TNC: variants seen among roughly 807,000 people sequenced by gnomAD.
The protein encoded by TNC is tenascin C.
TNC carries 109 observed loss-of-function variants against 202.4 expected under a neutral mutation model. That is an observed-to-expected ratio of 0.54 (90% CI 0.46 to 0.63). The LOEUF (loss-of-function observed/expected upper bound fraction) is 0.63. Among genes scored for constraint, TNC ranks in the 30% least tolerant of loss-of-function variants. The probability of loss-of-function intolerance (pLI) is 0.00; values close to 1 mark genes in which losing one functional copy is unlikely to be tolerated. For missense variants in TNC, 2,756 were observed against 2,833.3 expected (o/e 0.97, Z 0.62); for synonymous variants, 1,007 against 1,089.7 (o/e 0.92, Z 1.50).
intron 1 of TNC, among the ~76,000 whole-genome samples, chr9:115,105,336 G>T (rs962860912): frequency 1.3e-5 from 2 of 152,168 alleles, no homozygotes. Context: ...AACATTGATT[G>T]CATATGTCGT....
rs775403621 is a variant in TNC at position 115,035,348 on chromosome 9, G to T, written c.5657-14C>A. On this transcript the variant is annotated splice_polypyrimidine_tract_variant and intron_variant, in intron 21 of 27. Coordinates refer to ENST00000350763, the MANE Select transcript of TNC (RefSeq NM_002160.4). ...GAGAATCGAGGTCTGGAGAAGACAG[G>T]ATGATTAATATCGGATAAGATCAGC... 2 of 1,603,950 alleles carry T rather than the reference G, an allele frequency of 1.2e-6. No homozygotes were observed. Among genetic ancestry groups the T allele is most frequent in the Non-Finnish European group, 8.5e-7 (1 of 1,175,850 alleles).
chr9:115,059,148 A>G (rs916761867), intron 14 of TNC, among the ~76,000 whole-genome samples: 1 of 151,932 alleles, frequency 6.6e-6, no homozygotes, highest in Non-Finnish European at 1.5e-5. Flanking sequence ...TGGTCTAGCT[A>G]TTTGCTAATT....
intron 15 of TNC, among the ~76,000 whole-genome samples, chr9:115,053,335 G>A (rs1831853885): frequency 6.6e-6 from 1 of 152,224 alleles, no homozygotes; most frequent in African/African-American, 2.4e-5. Flanking sequence ...TTGGAGTAAC[G>A]TGAAGGGTAT....
intron 9 of TNC, 102 bp from the exon 10 acceptor site, chr9:115,073,968 A>G (rs1833656059): frequency 1.6e-6 from 2 of 1,257,300 alleles, no homozygotes; most frequent in Non-Finnish European, 2.2e-6. Context: ...TAGGTCTGCC[A>G]CAGAGGAGCT....
At chr9:115,049,645 CT>C (rs1057273839) in intron 15 of TNC, among the ~76,000 whole-genome samples, 44 of 141,826 alleles carry the variant, frequency 3.1e-4, no homozygotes, top group East Asian at 2.9e-3. Context: ...TTTCTTTTTT[CT>C]TTTTTTTTTT....
intron 21 of TNC, chr9:115,035,750 A>C: frequency 7.3e-6 from 2 of 275,500 alleles, no homozygotes; most frequent in South Asian, 2.0e-4. Context: ...ATCTAGGAAA[A>C]ATTGCCTAAA....
rs774414409 is a variant in TNC, at chr9:115,086,006, G to A, written c.1725C>T (p.Asp575=). Residue 575 remains aspartate, a synonymous_variant, in exon 3 of 28, where the codon GAC becomes GAT. Coordinates refer to ENST00000350763, the MANE Select transcript of TNC (RefSeq NM_002160.4). ...AGCCCTCGTGGCAGATGCACTGGCC[G>A]TCCACGCAGCGGCCCTGGCCATGAC... ...SDCHGQGRCV[D]GQCICHEGFT... is the part of the protein sequence containing the mutation. 1.4e-5 allele frequency: 22 copies of A among 1,613,870 alleles called. No homozygotes were observed. The highest frequency in any genetic ancestry group is 4.5e-5 in the East Asian group (2 of 44,880).
chr9:115,040,716 G>GTTA (rs1475369897), intron 19 of TNC, among the ~76,000 whole-genome samples: 2 of 152,092 alleles, frequency 1.3e-5, no homozygotes, highest in Non-Finnish European at 2.9e-5. Context: ...GCCCAACAAG[G>GTTA]TTAAGGTCAC....
intron 25 of TNC, among the ~76,000 whole-genome samples, 171 bp from the exon 26 acceptor site, chr9:115,026,866 T>C (rs1031433345): frequency 2.9e-4 from 2 of 6,814 alleles, no homozygotes; most frequent in Non-Finnish European, 6.1e-4. Flanking sequence ...TGGGAGGGGG[T>C]GGGGGTGGGG....
Position 115,040,974 on chromosome 9 carries a change from C to T in TNC, c.5359G>A (p.Glu1787Lys), listed in dbSNP as rs890570960. 6.2e-7 allele frequency: 1 copy of T among 1,613,974 alleles called. No individual in the cohort carries two copies. Among genetic ancestry groups the T allele is most frequent in the African/African-American group, 1.3e-5 (1 of 74,914 alleles). ...AATGACCCTGAGACAGGTTCACTTTCCTCAAAGCCCTTCATGGCGATGATG... is the reference window on the plus strand; with the variant it reads ...AATGACCCTGAGACAGGTTCACTTTTCTCAAAGCCCTTCATGGCGATGATG... ...VSIIAMKGFE[E>K]SEPVSGSFTT... is the part of the protein sequence containing the mutation. The change falls in exon 19 of 28, where the codon GAA becomes AAA. Residue 1787 changes from glutamate to lysine, a missense_variant. Physicochemically the swap from Glu to Lys is moderately conservative, Grantham distance 56 (BLOSUM62 1). This residue lies in a region of TNC where 2,559 missense variants were observed against 2,546.0 expected (regional missense o/e 1.01). Coordinates refer to ENST00000350763, the MANE Select transcript of TNC (RefSeq NM_002160.4).
rs1833641650 is a variant in TNC, at chr9:115,073,815, A to G, written c.3002T>C (p.Leu1001Pro). Residue 1001 changes from leucine to proline, a missense_variant, in exon 10 of 28, where the codon CTG becomes CCG. Leu to Pro is a moderately conservative substitution (Grantham distance 98). Around this residue, in one of 2 missense-constraint regions of TNC, gnomAD observed 2,559 missense variants for 2,546.0 expected, o/e 1.01. Coordinates refer to ENST00000350763, the MANE Select transcript of TNC (RefSeq NM_002160.4). ...LQVSETAETS[L>P]TLLWKTPLAK... ...CAACGGTGTCTTCCAGAGCAGGGTC[A>G]GGCTGGTCTCTGCAGTTTCAGAAAC... The G allele has an allele frequency of 4.3e-6, 7 of 1,613,832 alleles. No individual in the cohort carries two copies. The highest frequency in any genetic ancestry group is 5.9e-6 in the Non-Finnish European group (7 of 1,180,008).
At chr9:115,031,209 A>G (rs562752405) in intron 23 of TNC, among the ~76,000 whole-genome samples, 2 of 152,374 alleles carry the variant, frequency 1.3e-5, no homozygotes, top group East Asian at 3.9e-4. Flanking sequence ...TTCAAATGCA[A>G]TACCTCATGA....
intron 10 of TNC, among the ~76,000 whole-genome samples, chr9:115,065,664 G>A (rs902918602): frequency 6.6e-6 from 1 of 151,774 alleles, no homozygotes; most frequent in East Asian, 1.9e-4. Flanking sequence ...TTTTTTGAGA[G>A]GCCAAGGTGG....
chr9:115,074,112 T>A (rs891624946), intron 9 of TNC, among the ~76,000 whole-genome samples: 5 of 152,192 alleles, frequency 3.3e-5, no homozygotes, highest in Non-Finnish European at 5.9e-5. Flanking sequence ...ATCCATTCCA[T>A]AAAATGCTGC....
intron 17 of TNC, among the ~76,000 whole-genome samples, 170 bp downstream of exon 17, chr9:115,046,240 T>C (rs536123325): frequency 6.6e-6 from 1 of 152,320 alleles, no homozygotes; most frequent in South Asian, 2.1e-4. Context: ...ATACTTTTTT[T>C]GCATAAGGAC....
rs1588050953 is a variant in TNC at position 115,046,439 on chromosome 9, G to T, written c.5096C>A (p.Ser1699Tyr). 1 of 1,614,100 alleles carries T rather than the reference G, an allele frequency of 6.2e-7. No homozygotes were observed. The highest frequency in any genetic ancestry group is 2.2e-5 in the East Asian group (1 of 44,892). Residue 1699 changes from serine to tyrosine, a missense_variant, in exon 17 of 28, where the codon TCC (serine) becomes TAC (tyrosine). Ser to Tyr is a moderately radical substitution (Grantham distance 144, BLOSUM62 -2). Coordinates refer to ENST00000350763, the MANE Select transcript of TNC (RefSeq NM_002160.4). ...ELYGISKGRR[S>Y]QTVSAIATTA... Reference sequence around the variant, plus strand: ...TGTTGCTATAGCACTGACTGTCTGGGATCGCCTTCCTTTGCTTATTCCATA... The same window carrying T: ...TGTTGCTATAGCACTGACTGTCTGGTATCGCCTTCCTTTGCTTATTCCATA...
chr9:115,048,537 A>G lies in TNC; in HGVS notation c.4580-5T>C, dbSNP rs201356799. On this transcript the variant is annotated splice_region_variant and splice_polypyrimidine_tract_variant and intron_variant, in intron 15 of 27. Coordinates refer to ENST00000350763, the MANE Select transcript of TNC (RefSeq NM_002160.4). ...TTTCCAGAAGGGGCAGGGCCTCTGA[A>G]AGAAGGGAGGAGTGAAAATAACTCA... 3.4e-5 allele frequency: 54 copies of G among 1,608,318 alleles called. No individual in the cohort carries two copies. In the East Asian group the frequency reaches 1.1e-3, roughly 33 times the overall value.
chr9:115,087,688 T>C (rs1376025361), intron 2 of TNC, among the ~76,000 whole-genome samples: 1 of 130,924 alleles, frequency 7.6e-6, no homozygotes, highest in Admixed American at 9.6e-5. Flanking sequence ...TGTTACTATT[T>C]CTTTCTTTTC....
rs1054239473 is a variant in TNC, at chr9:115,024,064, T to C, written c.6404A>G (p.Asn2135Ser). 6.2e-7 allele frequency: 1 copy of C among 1,614,064 alleles called. No homozygotes were observed. Among genetic ancestry groups the C allele is most frequent in the Non-Finnish European group, 8.5e-7 (1 of 1,179,948 alleles). The part of the protein sequence containing the change: ...FDKDTDSAIT[N>S]CALSYKGAFW... ...AGCCCCTTTGTAGGACAGAGCACAG[T>C]TGGTGATGGCTGAATCTGTGTCCTT... is the stretch of plus-strand genomic sequence containing the variant. The change falls in exon 27 of 28, where the codon AAC becomes AGC. Residue 2135 changes from asparagine (N) to serine (S), a missense_variant. By Grantham distance (46) the Asn-to-Ser change is conservative. Around this residue, in one of 2 missense-constraint regions of TNC, gnomAD observed 197 missense variants for 287.3 expected, o/e 0.69. Transcript: ENST00000350763.
Sources: gnomAD v4.1 joint callset for allele counts (sites outside exome capture counted in the v4.1 genomes callset) on GRCh38, gnomAD v4.1.1 for gene constraint, gnomAD v4.1.1 regional missense constraint, MANE v1.5 for transcripts, NCBI Gene and HGNC (gene_info 2026-07-23, HGNC 2026-07-21) for gene names.